TTC21A: variants seen among roughly 807,000 people sequenced by gnomAD.
TTC21A encodes tetratricopeptide repeat domain 21A.
Under a neutral mutation model 156.4 loss-of-function variants are expected in TTC21A, and 128 were observed. The ratio of observed to expected loss-of-function variants is 0.82; its 90% CI spans 0.71 to 0.95. The LOEUF is 0.95. Ranked by LOEUF, TTC21A falls within the 40% of genes least tolerant of loss-of-function variation. The pLI, the probability that TTC21A is intolerant of heterozygous loss-of-function variation, is 0.00. For missense variants in TTC21A, 1,435 were observed against 1,602.3 expected, an observed-to-expected ratio of 0.90 and a Z score of 1.78; for synonymous variants, 587 against 617.1, an observed-to-expected ratio of 0.95 and a Z score of 0.72.
chr3:39,115,362 A>G (rs1202414776), intron 6 of TTC21A, among the ~76,000 whole-genome samples: 30 of 149,302 alleles, frequency 2.0e-4, no homozygotes, highest in Admixed American at 2.0e-3. Context: ...AAAAAAAAAA[A>G]TTATCTCTTT....
At chr3:39,110,298 C>G (rs554041985) in intron 3 of TTC21A, 159 bp downstream of exon 3, 6 of 687,072 alleles carry the variant, frequency 8.7e-6, no homozygotes, top group Admixed American at 4.1e-5. Context: ...CTCCTCTCCC[C>G]CTGGAGGCCT....
At chr3:39,117,599 T>C (rs1266932133) in intron 6 of TTC21A, among the ~76,000 whole-genome samples, 1 of 152,226 alleles carries the variant, frequency 6.6e-6, no homozygotes, top group African/African-American at 2.4e-5. Flanking sequence ...GTGGCAAAGA[T>C]ACCCTCAGAT....
At chr3:39,135,839 A>G (rs2039070388) in intron 22 of TTC21A, among the ~76,000 whole-genome samples, 1 of 152,102 alleles carries the variant, frequency 6.6e-6, no homozygotes, top group African/African-American at 2.4e-5. Context: ...GCAGATCACA[A>G]GGTCAGGGGA....
chr3:39,122,703 C>G (rs942303142), intron 9 of TTC21A, among the ~76,000 whole-genome samples: 2 of 152,192 alleles, frequency 1.3e-5, no homozygotes. Context: ...TGATTTCCCA[C>G]CATAACCAGG....
intron 12 of TTC21A, among the ~76,000 whole-genome samples, 168 bp downstream of exon 12, chr3:39,126,558 CAT>C (rs1401430220): frequency 2.0e-5 from 3 of 150,516 alleles, no homozygotes; most frequent in East Asian, 1.9e-4. Context: ...CACACACACA[CAT>C]GCATGCTCCT....
chr3:39,124,855 A>G (rs892448712), intron 9 of TTC21A, among the ~76,000 whole-genome samples: 1 of 152,148 alleles, frequency 6.6e-6, no homozygotes, highest in Non-Finnish European at 1.5e-5. Flanking sequence ...CAGCCAGAAC[A>G]TGAGCTAGGG....
In TTC21A at chr3:39,109,232, T is replaced by C. The variant is rs1267949520; in HGVS notation, c.157+18T>C. The C allele has an allele frequency of 3.1e-6, 5 of 1,605,824 alleles. No homozygotes were observed. In the African/African-American group the frequency reaches 6.7e-5, roughly 21 times the overall value. ...CAAAGAAGGTAAGGACTTGGCAGTG[T>C]TGGTCTTGTGACCCCAGGCACTAGC... On this transcript the variant is annotated intron_variant, in intron 2 of 28. Transcript: ENST00000683103.
chr3:39,111,171 T>C (rs2036795248), intron 4 of TTC21A, among the ~76,000 whole-genome samples, 154 bp downstream of exon 4: 1 of 152,160 alleles, frequency 6.6e-6, no homozygotes, highest in African/African-American at 2.4e-5. Context: ...GCCCCACGCG[T>C]GTTGTCTCTG....
At position 39,138,362 on chromosome 3, in the gene TTC21A, C is replaced by A. The variant is rs761521728; in HGVS notation, c.3771C>A (p.Tyr1257Ter). Residue 1257 changes from tyrosine to a stop codon, truncating the protein, a stop_gained, in exon 27 of 29, where the codon TAC (tyrosine) becomes TAA (stop). Transcript: ENST00000683103. LOFTEE classifies it high-confidence loss of function. ...AVTNYKLAWKYSHHANPAIGF... is the reference protein window; with the variant it reads ...AVTNYKLAWK ...CCAACTACAAACTGGCCTGGAAGTA[C>A]AGTCATCACGCCAACCCTGCCATTG... 1.2e-6 allele frequency: 2 copies of A among 1,614,094 alleles called. No homozygotes were observed. Among genetic ancestry groups the A allele is most frequent in the South Asian group, 2.2e-5 (2 of 91,054 alleles).
intron 26 of TTC21A, among the ~76,000 whole-genome samples, chr3:39,138,027 T>G (rs1338495157): frequency 6.6e-6 from 1 of 151,778 alleles, no homozygotes; most frequent in East Asian, 1.9e-4. Flanking sequence ...GGAATGGGAG[T>G]GGCGGAACAG....
At chr3:39,109,456 G>A (rs1481264889) in intron 2 of TTC21A, among the ~76,000 whole-genome samples, 2 of 152,212 alleles carry the variant, frequency 1.3e-5, no homozygotes, top group Non-Finnish European at 2.9e-5. Context: ...TGTAAAATGA[G>A]TGGTTGGAGA....
Position 39,133,236 on chromosome 3 carries a change from A to G in TTC21A, c.2747A>G (p.Asn916Ser). The G allele has an allele frequency of 1.2e-6, 2 of 1,612,680 alleles. No homozygotes were observed. The highest frequency in any genetic ancestry group is 1.7e-6 in the Non-Finnish European group (2 of 1,178,948). The change falls in exon 20 of 29, where the codon AAT (asparagine) becomes AGT (serine). Residue 916 changes from asparagine (N) to serine (S), a missense_variant. Physicochemically the swap from Asn to Ser is conservative, Grantham distance 46. Transcript: ENST00000683103. The stretch of plus-strand genomic sequence containing the variant: ...GTCTTCTCCTACTTGCCAACTGACA[A>G]TAAGGTGAGTGGCCCTCAAAGCAAG... ...KDVFSYLPTDNKVMLELAQLY... is the reference protein window; with the variant it reads ...KDVFSYLPTDSKVMLELAQLY...
intron 5 of TTC21A, among the ~76,000 whole-genome samples, chr3:39,113,303 G>A (rs1223128860): frequency 1.3e-5 from 2 of 152,222 alleles, no homozygotes; most frequent in Non-Finnish European, 2.9e-5. Context: ...CTGGCAGAAA[G>A]CAATGGAGAT....
intron 12 of TTC21A, 78 bp downstream of exon 12, chr3:39,126,468 AGGATACT>A: frequency 8.8e-7 from 1 of 1,134,378 alleles, no homozygotes; most frequent in Admixed American, 1.9e-5. Context: ...CTCCTTGCCT[AGGATACT>A]ACACACACAC....
At position 39,128,508 on chromosome 3, in the gene TTC21A, C is replaced by G. The variant is rs753917950; in HGVS notation, c.1680+20C>G. 4.2e-5 allele frequency: 67 copies of G among 1,613,632 alleles called. No individual in the cohort carries two copies. Among genetic ancestry groups the G allele is most frequent in the Non-Finnish European group, 5.5e-5 (65 of 1,179,818 alleles). On this transcript the variant is annotated intron_variant, in intron 13 of 28. Coordinates refer to ENST00000683103, the MANE Select transcript of TTC21A (RefSeq NM_001366900.1). ...TTCCAGGTGGGTGCCCTCTCATCCT[C>G]TCAGCATCCCAAAGCCCAGCTAGCT...
At chr3:39,122,955 G>A (rs2037891855) in intron 9 of TTC21A, among the ~76,000 whole-genome samples, 1 of 152,202 alleles carries the variant, frequency 6.6e-6, no homozygotes, top group Non-Finnish European at 1.5e-5. Context: ...GACCTTAACA[G>A]TGTGTAAAAT....
intron 22 of TTC21A, 135 bp from the exon 23 acceptor site, chr3:39,136,222 G>C: frequency 1.2e-6 from 1 of 807,786 alleles, no homozygotes; most frequent in South Asian, 1.8e-5. Flanking sequence ...GACCAGTGGA[G>C]ACTCTGGAGC....
chr3:39,108,549 A>G (rs1366520704), intron 1 of TTC21A, among the ~76,000 whole-genome samples: 1 of 152,160 alleles, frequency 6.6e-6, no homozygotes, highest in Non-Finnish European at 1.5e-5. Context: ...CATATGGCCC[A>G]TGAGGATGTT....
At chr3:39,133,366 G>T in intron 20 of TTC21A, 126 bp downstream of exon 20, 1 of 964,994 alleles carries the variant, frequency 1.0e-6, no homozygotes, top group Non-Finnish European at 1.5e-6. Context: ...GATATGATGG[G>T]CATGGGAGGC....
Sources: allele counts gnomAD v4.1 joint callset (sites outside exome capture counted in the v4.1 genomes callset), GRCh38; gene constraint gnomAD v4.1.1; transcripts MANE v1.5; gene names NCBI Gene and HGNC (gene_info 2026-07-23, HGNC 2026-07-21).